The following LRRC4C variants were observed in gnomAD, a reference collection of about 807,000 sequenced individuals.
LRRC4C encodes leucine rich repeat containing 4C.
A neutral mutation model predicts 33.6 loss-of-function variants in LRRC4C; 5 were observed. The observed-to-expected ratio is 0.15, with a 90% CI of 0.08 to 0.31. The LOEUF (loss-of-function observed/expected upper bound fraction) is 0.31. Ranked by LOEUF, LRRC4C falls within the 10% of genes least tolerant of loss-of-function variation. LRRC4C has a pLI of 1.00. For synonymous variants in LRRC4C, 329 were observed against 302.0 expected (o/e 1.09, Z -0.93); for missense variants, 560 against 796.7 (o/e 0.70, Z 3.58).
intron 1 of LRRC4C, among the ~76,000 whole-genome samples, chr11:41,380,517 T>A (rs1023545522): frequency 6.6e-6 from 1 of 151,980 alleles, no homozygotes; most frequent in African/African-American, 2.4e-5. Context: ...ACTGGGGAAG[T>A]TTGTAGAAAA....
chr11:40,465,818 A>G (rs1590824972), intron 3 of LRRC4C, among the ~76,000 whole-genome samples: 1 of 151,970 alleles, frequency 6.6e-6, no homozygotes, highest in African/African-American at 2.4e-5. Flanking sequence ...GAATGTTTAT[A>G]TTGGTGGGAA....
At chr11:40,840,099 T>C (rs1050149775) in intron 2 of LRRC4C, among the ~76,000 whole-genome samples, 1 of 152,200 alleles carries the variant, frequency 6.6e-6, no homozygotes, top group Non-Finnish European at 1.5e-5. Context: ...TATGTACTTG[T>C]GTAACTTCTA....
chr11:40,624,794 T>G (rs1055222923), intron 3 of LRRC4C, among the ~76,000 whole-genome samples: 3 of 152,158 alleles, frequency 2.0e-5, no homozygotes, highest in Non-Finnish European at 4.4e-5. Context: ...AGATCTAATT[T>G]GGCCTTAATA....
At chr11:40,817,865 A>G (rs1565096849) in intron 2 of LRRC4C, among the ~76,000 whole-genome samples, 1 of 152,018 alleles carries the variant, frequency 6.6e-6, no homozygotes, top group Non-Finnish European at 1.5e-5. Flanking sequence ...GCTTCCTTCT[A>G]TACTTCTATG....
intron 3 of LRRC4C, among the ~76,000 whole-genome samples, chr11:40,415,600 C>T (rs1950298669): frequency 6.6e-6 from 1 of 152,078 alleles, no homozygotes; most frequent in African/African-American, 2.4e-5. Flanking sequence ...AACCAGAACT[C>T]ACTTTGAATG....
Position 40,462,134 on chromosome 11 carries a change from G to T in LRRC4C, c.-269-142413C>A, listed in dbSNP as rs1952428548. On this transcript the variant is annotated intron_variant, in intron 3 of 6. Transcript: ENST00000528697. ...CAAATGAAGTCATCTTAACACTGAA[G>T]TTTATTGATGATATAAGCCTATGAA... 2.0e-5 allele frequency among the ~76,000 whole-genome samples: 3 copies of T among 151,936 alleles called. No homozygotes were observed. The South Asian group carries it at 6.2e-4, about 31-fold the overall frequency.
intron 2 of LRRC4C, among the ~76,000 whole-genome samples, chr11:40,782,833 T>C (rs1950265741): frequency 6.6e-6 from 1 of 152,176 alleles, no homozygotes; most frequent in Admixed American, 6.5e-5. Context: ...TGTCTATACA[T>C]ATATGTGTGT....
chr11:41,093,126 G>A (rs1466182098), intron 1 of LRRC4C, among the ~76,000 whole-genome samples: 3 of 152,114 alleles, frequency 2.0e-5, no homozygotes, highest in Admixed American at 2.0e-4. Context: ...AACTTAAATA[G>A]TATGTAATCA....
At chr11:41,355,217 A>G (rs77275367) in intron 1 of LRRC4C, among the ~76,000 whole-genome samples, 2,821 of 152,216 alleles carry the variant, frequency 0.019, 40 homozygotes, top group Middle Eastern at 0.048. Context: ...AACATGAAAA[A>G]ATGCTCAGCA....
chr11:40,431,144 A>G (rs1256044872), intron 3 of LRRC4C, among the ~76,000 whole-genome samples: 1 of 151,230 alleles, frequency 6.6e-6, no homozygotes, highest in Non-Finnish European at 1.5e-5. Context: ...CTTTAAAAAA[A>G]AAAAAAAAAA....
At chr11:41,112,098 T>C (rs1029167413) in intron 1 of LRRC4C, among the ~76,000 whole-genome samples, 1 of 152,028 alleles carries the variant, frequency 6.6e-6, no homozygotes, top group Non-Finnish European at 1.5e-5. Context: ...AAGGTTAATT[T>C]GCTACATTAA....
chr11:40,695,038 C>T (rs548516385), intron 2 of LRRC4C, among the ~76,000 whole-genome samples: 1 of 151,912 alleles, frequency 6.6e-6, no homozygotes, highest in East Asian at 1.9e-4. Context: ...ATATTGTGTA[C>T]TAACTACAGA....
At chr11:40,465,539 C>A (rs1952610088) in intron 3 of LRRC4C, among the ~76,000 whole-genome samples, 1 of 151,796 alleles carries the variant, frequency 6.6e-6, no homozygotes, top group African/African-American at 2.4e-5. Flanking sequence ...AAACTATTTG[C>A]AAACTATGCC....
At chr11:40,593,493 A>G (rs1451085756) in intron 3 of LRRC4C, among the ~76,000 whole-genome samples, 2 of 152,254 alleles carry the variant, frequency 1.3e-5, no homozygotes, top group East Asian at 3.8e-4. Context: ...TACGTGCACA[A>G]CACACACATG....
chr11:41,358,395 G>C (rs1473842890), intron 1 of LRRC4C, among the ~76,000 whole-genome samples: 1 of 151,982 alleles, frequency 6.6e-6, no homozygotes, highest in Non-Finnish European at 1.5e-5. Context: ...CAAATAATTG[G>C]TATATTAGAC....
chr11:40,847,842 T>A (rs1953267781), intron 2 of LRRC4C, among the ~76,000 whole-genome samples: 1 of 151,086 alleles, frequency 6.6e-6, no homozygotes, highest in Non-Finnish European at 1.5e-5. Flanking sequence ...TCAGAACTTG[T>A]TATTGGTCTA....
intron 6 of LRRC4C, among the ~76,000 whole-genome samples, chr11:40,137,942 A>G (rs1857095796): frequency 6.6e-6 from 1 of 152,236 alleles, no homozygotes; most frequent in South Asian, 2.1e-4. Flanking sequence ...GGAGACCAAG[A>G]GACCAAAAAA....
At chr11:41,225,533 T>G (rs1218134527) in intron 1 of LRRC4C, among the ~76,000 whole-genome samples, 1 of 152,130 alleles carries the variant, frequency 6.6e-6, no homozygotes, top group Admixed American at 6.6e-5. Flanking sequence ...GCCCAATGGC[T>G]CACACCTGTA....
intron 1 of LRRC4C, among the ~76,000 whole-genome samples, chr11:41,255,009 G>A (rs960847634): frequency 5.9e-5 from 9 of 151,996 alleles, no homozygotes; most frequent in African/African-American, 2.2e-4. Flanking sequence ...TGTGTGTTTA[G>A]TGTGCACAGA....
Sources: allele counts gnomAD v4.1 joint callset (sites outside exome capture counted in the v4.1 genomes callset), GRCh38; gene constraint gnomAD v4.1.1; transcripts MANE v1.5; gene names NCBI Gene and HGNC (gene_info 2026-07-23, HGNC 2026-07-21).